The following CLTC variants were observed in gnomAD, a reference collection of about 807,000 sequenced individuals.
CLTC encodes the protein clathrin heavy chain, also known as clathrin heavy chain 1.
Under a neutral mutation model 195.8 loss-of-function variants are expected in CLTC, and 16 were observed. The observed-to-expected ratio is 0.08, with a 90% CI of 0.06 to 0.12. CLTC has a LOEUF of 0.12. Among genes scored for constraint, CLTC ranks in the 10% least tolerant of loss-of-function variants. The pLI is 1.00. For synonymous variants in CLTC, 667 were observed against 689.4 expected (o/e 0.97, Z 0.51); for missense variants, 796 against 2,027.0 (o/e 0.39, Z 11.66).
intron 6 of CLTC, among the ~76,000 whole-genome samples, chr17:59,658,307 G>A (rs930852242): frequency 6.6e-6 from 1 of 152,194 alleles, no homozygotes; most frequent in Non-Finnish European, 1.5e-5. Flanking sequence ...CAAAGTGCTA[G>A]GATTACAGGC....
intron 1 of CLTC, among the ~76,000 whole-genome samples, chr17:59,629,153 A>G (rs1422084996): frequency 6.6e-6 from 1 of 152,238 alleles, no homozygotes; most frequent in African/African-American, 2.4e-5. Flanking sequence ...CATGGTTTAC[A>G]AAAACCCATC....
rs2032257297 is a variant in CLTC, at chr17:59,648,761, CAT to C, written c.681+361_681+362del. On this transcript the variant is annotated intron_variant, in intron 4 of 31. Coordinates refer to ENST00000269122, the MANE Select transcript of CLTC (RefSeq NM_004859.4). The surrounding 1 kb of genome is among the most constrained non-coding windows in gnomAD (Gnocchi z 4.5). Reference sequence around the variant, plus strand: ...CCAGGCTGGAGTGCAGTGGCGCAGTCATGGGCTCACTGCAGCCTCGACCTTCT... The same window carrying C: ...CCAGGCTGGAGTGCAGTGGCGCAGTCGGGCTCACTGCAGCCTCGACCTTCT... 2 of 177,568 alleles carry C rather than the reference CAT, an allele frequency of 1.1e-5. No homozygotes were observed. The highest frequency in any genetic ancestry group is 5.8e-5 in the Admixed American group (1 of 17,226). The allele number at this position is 177,568 out of a possible 1,614,324, so 11.0% of individuals were successfully genotyped here. A position where few individuals can be genotyped will look rare whatever the true frequency, so the allele number is the denominator to read the frequency against.
chr17:59,667,179 T>C (rs1156692530), intron 13 of CLTC: 2 of 375,446 alleles, frequency 5.3e-6, no homozygotes, highest in Admixed American at 4.3e-5. Context: ...ACCATCTGTT[T>C]GGATATTTTA....
chr17:59,670,728 A>T (rs1435211156), intron 14 of CLTC, among the ~76,000 whole-genome samples: 1 of 152,056 alleles, frequency 6.6e-6, no homozygotes, highest in Non-Finnish European at 1.5e-5. Flanking sequence ...TTTGAGCTTT[A>T]AAAAAAATCC....
intron 17 of CLTC, among the ~76,000 whole-genome samples, 170 bp downstream of exon 17, chr17:59,677,358 G>A (rs2032988640): frequency 6.6e-6 from 1 of 152,150 alleles, no homozygotes; most frequent in South Asian, 2.1e-4. Flanking sequence ...AGTGGATAAA[G>A]TCTATATACC....
Position 59,682,281 on chromosome 17 carries a change from A to G in CLTC, c.3453A>G (p.Glu1151=), listed in dbSNP as rs980430669. 6.2e-7 allele frequency: 1 copy of G among 1,613,480 alleles called. No individual in the cohort carries two copies. The highest frequency in any genetic ancestry group is 2.2e-5 in the East Asian group (1 of 44,868). ...TTTTTCTATACTTAGGAAACTGGGA[A>G]GAACTGGTGAAGTACTTGCAGATGG... ...VQAANTSGNW[E]ELVKYLQMAR... Residue 1151 remains glutamate, a synonymous_variant, in exon 22 of 32, where the codon GAA becomes GAG. Coordinates refer to ENST00000269122, the MANE Select transcript of CLTC (RefSeq NM_004859.4). The surrounding 1 kb of genome is among the most constrained non-coding windows in gnomAD (Gnocchi z 6.8).
intron 13 of CLTC, among the ~76,000 whole-genome samples, chr17:59,668,192 C>T (rs759113904): frequency 1.3e-5 from 2 of 152,158 alleles, no homozygotes; most frequent in Non-Finnish European, 2.9e-5. Context: ...CTAAATTCTT[C>T]CCAAATTATT....
chr17:59,661,404 AC>A (rs775229853), intron 7 of CLTC, 38 bp from the exon 8 acceptor site: 10 of 1,519,158 alleles, frequency 6.6e-6, no homozygotes, highest in Non-Finnish European at 9.1e-6. Flanking sequence ...TCTCCTTCTT[AC>A]ACTTTCGAAG....
chr17:59,657,768 A>C (rs1027276147), intron 6 of CLTC, among the ~76,000 whole-genome samples: 4 of 132,002 alleles, frequency 3.0e-5, no homozygotes, highest in African/African-American at 1.1e-4. Flanking sequence ...ACTCTGTCTC[A>C]AAAAAAAAAA....
rs1186510978 is a variant in CLTC at position 59,685,273 on chromosome 17, T to C, written c.4605+47T>C. The stretch of plus-strand genomic sequence containing the variant: ...GGGCTGTTTTAAACCAGGCCTAAAA[T>C]GGTGTTACAAGTGATTATAATCTAT... On this transcript the variant is annotated intron_variant, in intron 29 of 31. Transcript: ENST00000269122. The surrounding 1 kb of genome is among the most constrained non-coding windows in gnomAD (Gnocchi z 5.0). 1 of 1,513,802 alleles carries C rather than the reference T, an allele frequency of 6.6e-7. No homozygotes were observed. The highest frequency in any genetic ancestry group is 8.9e-7 in the Non-Finnish European group (1 of 1,117,910). 93.8% of individuals were successfully genotyped at this position (1,513,802 alleles called of 1,614,324 possible). A position where few individuals can be genotyped will look rare whatever the true frequency, so the allele number is the denominator to read the frequency against.
chr17:59,677,040 A>G lies in CLTC; in HGVS notation c.2648A>G (p.Tyr883Cys). The G allele has an allele frequency of 1.2e-6, 2 of 1,614,140 alleles. No individual in the cohort carries two copies. Among genetic ancestry groups the G allele is most frequent in the Non-Finnish European group, 8.5e-7 (1 of 1,180,002 alleles). ...ACTCACAATGCCTTAGCCAAAATCT[A>G]CATAGACAGTAATAACAACCCGGAG... ...PATHNALAKIYIDSNNNPERF... is the reference protein window; with the variant it reads ...PATHNALAKICIDSNNNPERF... The change falls in exon 17 of 32, where the codon TAC becomes TGC. Residue 883 changes from tyrosine to cysteine, a missense_variant. Tyr to Cys is a radical substitution (Grantham distance 194, BLOSUM62 -2). This residue lies in a region of CLTC where 160 missense variants were observed against 448.2 expected (regional missense o/e 0.36). Coordinates refer to ENST00000269122, the MANE Select transcript of CLTC (RefSeq NM_004859.4).
intron 30 of CLTC, among the ~76,000 whole-genome samples, chr17:59,686,213 T>C (rs2033180155): frequency 6.6e-6 from 1 of 152,182 alleles, no homozygotes; most frequent in Non-Finnish European, 1.5e-5. Context: ...GGAAGCTGCA[T>C]GTATATTCTT....
At position 59,671,267 on chromosome 17, in the gene CLTC, A is replaced by C. The variant is rs556102465; in HGVS notation, c.2292+2327A>C. 2.6e-5 allele frequency: 4 copies of C among 152,306 alleles called. No individual in the cohort carries two copies. The South Asian group carries it at 8.3e-4, about 32-fold the overall frequency. The allele number at this position is 152,306 out of a possible 1,614,324, so 9.4% of individuals were successfully genotyped here. On this transcript the variant is annotated intron_variant, in intron 14 of 31. Transcript: ENST00000269122. ...CATGGGAGCTCAATACTAAGATGCA[A>C]CTATCACATTCATCCTCTGATGCCA...
intron 2 of CLTC, 25 bp downstream of exon 2, chr17:59,644,508 T>C: frequency 6.4e-7 from 1 of 1,560,526 alleles, no homozygotes; most frequent in South Asian, 1.1e-5. Context: ...GGGTTTTCCT[T>C]AAAACTCTTC....
intron 4 of CLTC, among the ~76,000 whole-genome samples, chr17:59,650,044 A>T (rs541893728): frequency 1.3e-5 from 2 of 152,166 alleles, no homozygotes; most frequent in African/African-American, 2.4e-5. Flanking sequence ...GTTTTTCAGT[A>T]TGGCTAGTCA....
chr17:59,638,808 G>A (rs77009411), intron 1 of CLTC, among the ~76,000 whole-genome samples: 327 of 152,256 alleles, frequency 2.1e-3, no homozygotes, highest in African/African-American at 7.6e-3. Context: ...ACTGGTCTGC[G>A]GCCTGTGGTT....
intron 4 of CLTC, among the ~76,000 whole-genome samples, chr17:59,650,483 C>CTTT (rs35425747): frequency 4.6e-4 from 54 of 116,840 alleles, no homozygotes; most frequent in Non-Finnish European, 5.6e-4. Context: ...ATTCAGATGA[C>CTTT]TTTTTTTTTT....
chr17:59,639,118 G>C (rs560116783), intron 1 of CLTC, among the ~76,000 whole-genome samples: 1 of 152,280 alleles, frequency 6.6e-6, no homozygotes, highest in South Asian at 2.1e-4. Context: ...TACAAAGTTT[G>C]GGTGCTTTTC....
At chr17:59,684,463 G>C (rs2033137750) in intron 28 of CLTC, 2 of 158,610 alleles carry the variant, frequency 1.3e-5, no homozygotes, top group Admixed American at 1.2e-4. Context: ...ATGCAGATCT[G>C]TACTGCTGCC....
Sources: allele counts gnomAD v4.1 joint callset (sites outside exome capture counted in the v4.1 genomes callset), GRCh38; gene constraint gnomAD v4.1.1; regional missense constraint gnomAD v4.1.1; non-coding constraint Gnocchi (gnomAD v3.1); transcripts MANE v1.5; gene names NCBI Gene and HGNC (gene_info 2026-07-23, HGNC 2026-07-21).